Variants in SKIC8 observed in about 807,000 individuals in gnomAD.
SKIC8 encodes SKI8 subunit of superkiller complex.
chr15:78,284,161 T>A, the SKIC8 span: 2 of 152,258 alleles, frequency 1.3e-5, no homozygotes, highest in Admixed American at 1.3e-4. Context: ...GAGGTGATTC[T>A]GGGTGGTAAG....
chr15:78,295,985 G>A, the SKIC8 span: 3 of 348,298 alleles, frequency 8.6e-6, no homozygotes, highest in East Asian at 4.4e-5. Context: ...TGCAGAGAGC[G>A]ACCAGTCTCT....
the SKIC8 span, among the ~76,000 whole-genome samples, chr15:78,293,593 C>G: frequency 6.6e-6 from 1 of 152,156 alleles, no homozygotes; most frequent in Non-Finnish European, 1.5e-5. Flanking sequence ...ACAAGTAAAA[C>G]CAGTGGGGAA....
At chr15:78,288,511 G>T in the SKIC8 span, 3 of 862,910 alleles carry the variant, frequency 3.5e-6, no homozygotes, top group Non-Finnish European at 3.7e-6. Flanking sequence ...AGGCAGAAAA[G>T]CAAGAGTTCT....
chr15:78,293,304 T>G, the SKIC8 span: 9 of 1,583,008 alleles, frequency 5.7e-6, no homozygotes, highest in East Asian at 6.7e-5. Flanking sequence ...TTATAAAGTC[T>G]TCTTGCATAC....
At chr15:78,285,417 C>T in the SKIC8 span, 18 of 1,306,548 alleles carry the variant, frequency 1.4e-5, no homozygotes, top group Non-Finnish European at 1.8e-5. Context: ...GACTTACATT[C>T]TTCTAACTTC....
At chr15:78,292,911 G>A in the SKIC8 span, 1 of 1,196,140 alleles carries the variant, frequency 8.4e-7, no homozygotes, top group Non-Finnish European at 1.2e-6. Flanking sequence ...TCAGAGAAGA[G>A]TTAATGAGCT....
At chr15:78,283,570 A>G in the SKIC8 span, 35 of 1,373,710 alleles carry the variant, frequency 2.5e-5, no homozygotes, top group East Asian at 7.0e-4. Context: ...ATTCTTTATA[A>G]TATTTATGAA....
chr15:78,297,064 C>T, the SKIC8 span, among the ~76,000 whole-genome samples: 3 of 152,184 alleles, frequency 2.0e-5, no homozygotes, highest in Non-Finnish European at 4.4e-5. Context: ...TAATACTGAA[C>T]TCATGCCTAA....
the SKIC8 span, chr15:78,290,462 G>A: frequency 5.5e-5 from 10 of 180,308 alleles, no homozygotes; most frequent in South Asian, 1.2e-3. Flanking sequence ...GAAAACATAT[G>A]TCCACACAAA....
chr15:78,293,995 C>T, the SKIC8 span, among the ~76,000 whole-genome samples: 2 of 152,164 alleles, frequency 1.3e-5, no homozygotes. Flanking sequence ...GGAGGCTTTA[C>T]CCCTGCCTGG....
At chr15:78,295,247 TTTCTG>T in the SKIC8 span, 1 of 560,844 alleles carries the variant, frequency 1.8e-6, no homozygotes, top group African/African-American at 1.9e-5. Flanking sequence ...ATGTTTTCTT[TTTCTG>T]TTCTGATCAC....
the SKIC8 span, chr15:78,295,649 G>GT: frequency 2.5e-6 from 4 of 1,608,202 alleles, no homozygotes; most frequent in Non-Finnish European, 2.6e-6. Context: ...ACCAATTGAT[G>GT]TTTTTCCCTT....
the SKIC8 span, chr15:78,285,137 G>A: frequency 1.2e-6 from 1 of 824,808 alleles, no homozygotes. Context: ...AGCAGATAGA[G>A]CAGCTCAGGC....
At chr15:78,295,316 C>T in the SKIC8 span, 1 of 555,986 alleles carries the variant, frequency 1.8e-6, no homozygotes, top group South Asian at 2.1e-5. Flanking sequence ...GCAATAAGAA[C>T]ACACAGCCTG....
At chr15:78,293,284 A>C in the SKIC8 span, 1 of 1,612,716 alleles carries the variant, frequency 6.2e-7, no homozygotes, top group Non-Finnish European at 8.5e-7. Flanking sequence ...TAGAATGGAA[A>C]GTGCTTCATT....
chr15:78,292,435 T>C, the SKIC8 span: 1 of 632,048 alleles, frequency 1.6e-6, no homozygotes, highest in Non-Finnish European at 2.8e-6. Context: ...GAGGTATTAG[T>C]CTTTCATTAC....
At chr15:78,285,777 C>G in the SKIC8 span, 1 of 465,090 alleles carries the variant, frequency 2.2e-6, no homozygotes, top group African/African-American at 1.9e-5. Context: ...CATTGGAACA[C>G]AAGTCTACCT....
the SKIC8 span, among the ~76,000 whole-genome samples, chr15:78,297,406 A>G: frequency 6.6e-6 from 1 of 152,272 alleles, no homozygotes; most frequent in South Asian, 2.1e-4. Context: ...GACAAATTTT[A>G]GTAAGTAGGT....
At chr15:78,292,686 A>G in the SKIC8 span, 1 of 1,614,244 alleles carries the variant, frequency 6.2e-7, no homozygotes, top group Non-Finnish European at 8.5e-7. Context: ...GAGCATCAAG[A>G]GAGCTGGATG....
Sources: allele counts gnomAD v4.1 joint callset (sites outside exome capture counted in the v4.1 genomes callset), GRCh38; gene constraint gnomAD v4.1.1; transcripts MANE v1.5; gene names NCBI Gene and HGNC (gene_info 2026-07-23, HGNC 2026-07-21).